Variants in CAMTA1 observed in about 807,000 individuals in gnomAD.
CAMTA1 encodes calmodulin binding transcription activator 1.
In CAMTA1, 27 loss-of-function variants were observed where a neutral mutation model predicts 170.9. The ratio of observed to expected loss-of-function variants is 0.16; its 90% CI spans 0.12 to 0.22. The LOEUF is 0.22. Among genes scored for constraint, CAMTA1 ranks in the 10% least tolerant of loss-of-function variants. The probability of loss-of-function intolerance (pLI) is 1.00; values close to 1 mark genes in which losing one functional copy is unlikely to be tolerated. For synonymous variants in CAMTA1, 833 were observed against 891.5 expected (o/e 0.93, Z 1.17); for missense variants, 1,619 against 2,217.2 (o/e 0.73, Z 5.42).
In CAMTA1 at chr1:7,638,547, C is replaced by T. The variant is rs957537307; in HGVS notation, c.511-1853C>T. On this transcript the variant is annotated intron_variant, in intron 6 of 22. Transcript: ENST00000303635. ...ATCCCAGCTACTCAGGAGGCTGAGGCGGGAGAATTGCTTGAACCTGGGAGG... is the reference window on the plus strand; with the variant it reads ...ATCCCAGCTACTCAGGAGGCTGAGGTGGGAGAATTGCTTGAACCTGGGAGG... Among the ~76,000 whole-genome samples the T allele has an allele frequency of 1.7e-4, 26 of 151,702 alleles. 1 individual carries two copies. The highest frequency in any genetic ancestry group is 7.4e-5 in the Non-Finnish European group (5 of 67,970).
intron 6 of CAMTA1, among the ~76,000 whole-genome samples, chr1:7,576,754 G>A (rs1188562210): frequency 1.3e-5 from 2 of 152,168 alleles, no homozygotes; most frequent in Non-Finnish European, 2.9e-5. Context: ...GCAGCTGAGG[G>A]GAGCAGTACT....
At chr1:7,323,088 T>C (rs1678699255) in intron 5 of CAMTA1, among the ~76,000 whole-genome samples, 1 of 151,262 alleles carries the variant, frequency 6.6e-6, no homozygotes, top group South Asian at 2.1e-4. Context: ...TTTATTTTGT[T>C]CTATTTCTTA....
At chr1:7,068,316 C>G (rs1440159286) in intron 3 of CAMTA1, among the ~76,000 whole-genome samples, 1 of 151,940 alleles carries the variant, frequency 6.6e-6, no homozygotes, top group Non-Finnish European at 1.5e-5. Flanking sequence ...ATTTCCTCTT[C>G]CACCGCCTCT....
chr1:7,224,795 G>A lies in CAMTA1; in HGVS notation c.303-24696G>A, dbSNP rs11120881. 0.054 allele frequency among the ~76,000 whole-genome samples: 8,240 copies of A among 151,706 alleles called. 645 individuals are homozygous for A. The highest frequency in any genetic ancestry group is 0.17 in the African/African-American group (6,966 of 40,990). On this transcript the variant is annotated intron_variant, in intron 4 of 22. Coordinates refer to ENST00000303635, the MANE Select transcript of CAMTA1 (RefSeq NM_015215.4). The surrounding 1 kb of genome is among the most constrained non-coding windows in gnomAD (Gnocchi z 5.2). ...GCCCCGCTCCCCAGGGCCCTGCTCC[G>A]TAGCTGCTCCATGTCGTCTGGATGG...
chr1:6,919,428 A>G (rs1204675006), intron 3 of CAMTA1, among the ~76,000 whole-genome samples: 1 of 152,204 alleles, frequency 6.6e-6, no homozygotes, highest in Non-Finnish European at 1.5e-5. Flanking sequence ...AGCTGGAGCT[A>G]GGTGTCTGAG....
chr1:7,632,173 T>TA (rs1362104050), intron 6 of CAMTA1, among the ~76,000 whole-genome samples: 1 of 152,214 alleles, frequency 6.6e-6, no homozygotes, highest in African/African-American at 2.4e-5. Context: ...TGATGAGGCT[T>TA]ATGGGACATT....
chr1:7,486,516 C>T (rs898810628), intron 6 of CAMTA1, among the ~76,000 whole-genome samples: 15 of 152,306 alleles, frequency 9.8e-5, no homozygotes, highest in African/African-American at 3.6e-4. Flanking sequence ...CCCTCTTGAG[C>T]CTCCCCTGGG....
At position 7,681,600 on chromosome 1, in the gene CAMTA1, C is replaced by T. The variant is rs1007756187; in HGVS notation, c.2914+3867C>T. On this transcript the variant is annotated intron_variant, in intron 11 of 22. Coordinates refer to ENST00000303635, the MANE Select transcript of CAMTA1 (RefSeq NM_015215.4). The surrounding 1 kb of genome is among the most constrained non-coding windows in gnomAD (Gnocchi z 4.6). ...CTTCATACAAAGATGCAAGGGGGAC[C>T]TCTTCCAGGCTAGAGGTAGGCAGGC... Among the ~76,000 whole-genome samples, 6 of 152,226 alleles carry T rather than the reference C, an allele frequency of 3.9e-5. No individual in the cohort carries two copies. Among genetic ancestry groups the T allele is most frequent in the Non-Finnish European group, 8.8e-5 (6 of 68,044 alleles).
intron 3 of CAMTA1, among the ~76,000 whole-genome samples, chr1:6,944,050 C>T (rs1254954318): frequency 1.3e-5 from 2 of 152,062 alleles, no homozygotes; most frequent in East Asian, 3.9e-4. Flanking sequence ...CAGCCGCTGG[C>T]ACCCCTGCAT....
intron 3 of CAMTA1, among the ~76,000 whole-genome samples, chr1:6,989,620 C>T (rs1695982962): frequency 1.3e-5 from 2 of 152,134 alleles, no homozygotes; most frequent in Non-Finnish European, 2.9e-5. Context: ...TAAACCTCTT[C>T]ATTTGGGTGG....
chr1:6,824,826 TG>T (rs754818611), intron 2 of CAMTA1, among the ~76,000 whole-genome samples: 1 of 152,168 alleles, frequency 6.6e-6, no homozygotes, highest in Non-Finnish European at 1.5e-5. Context: ...CTTTCGGTTA[TG>T]GGCAGCTGCG....
At chr1:7,724,830 A>AAAAG (rs2096673128) in intron 11 of CAMTA1, among the ~76,000 whole-genome samples, 1 of 152,016 alleles carries the variant, frequency 6.6e-6, no homozygotes, top group African/African-American at 2.4e-5. Flanking sequence ...AAAAAAAAAA[A>AAAAG]AAAAAAAGAT....
chr1:7,758,934 CAAAA>C (rs34490247), intron 22 of CAMTA1, among the ~76,000 whole-genome samples: 3 of 78,994 alleles, frequency 3.8e-5, no homozygotes, highest in Admixed American at 1.3e-4. Context: ...GACTCTGTCT[CAAAA>C]AAAAAAAAAA....
intron 4 of CAMTA1, among the ~76,000 whole-genome samples, chr1:7,139,158 A>T (rs1209960852): frequency 7.0e-6 from 1 of 142,278 alleles, no homozygotes; most frequent in African/African-American, 2.6e-5. Flanking sequence ...TATAAATATA[A>T]ATATATATAA....
chr1:6,884,867 T>G (rs1465921427), intron 3 of CAMTA1, among the ~76,000 whole-genome samples: 1 of 152,250 alleles, frequency 6.6e-6, no homozygotes, highest in East Asian at 1.9e-4. Flanking sequence ...TATCATTAAC[T>G]GTGTTGCTTT....
At chr1:7,654,379 C>CA (rs1389318193) in intron 7 of CAMTA1, among the ~76,000 whole-genome samples, 5 of 151,518 alleles carry the variant, frequency 3.3e-5, no homozygotes, top group Non-Finnish European at 7.4e-5. Flanking sequence ...GACCCTGTCT[C>CA]AAAAAATAAA....
chr1:7,327,142 C>T (rs1327267598), intron 5 of CAMTA1, among the ~76,000 whole-genome samples: 3 of 151,858 alleles, frequency 2.0e-5, no homozygotes, highest in Non-Finnish European at 2.9e-5. Flanking sequence ...GGAGGCCGGG[C>T]GCAGTGGCTC....
chr1:7,718,603 C>T (rs1389602101), intron 11 of CAMTA1, among the ~76,000 whole-genome samples: 1 of 145,126 alleles, frequency 6.9e-6, no homozygotes, highest in Non-Finnish European at 1.5e-5. Flanking sequence ...GTCACCCAGG[C>T]TGGAGTGCAG....
In CAMTA1 at chr1:7,680,233, C is replaced by T; in HGVS notation, c.2914+2500C>T. 1 of 263,688 alleles carries T rather than the reference C, an allele frequency of 3.8e-6. No individual in the cohort carries two copies. Among genetic ancestry groups the T allele is most frequent in the Non-Finnish European group, 8.3e-6 (1 of 121,176 alleles). The allele number at this position is 263,688 out of a possible 1,614,324, so 16.3% of individuals were successfully genotyped here. ...GGGCGGTGGTGAGCCTTCCGTTCCC[C>T]GCCTGTCCCTCCCGGCCCCTCCCCT... On this transcript the variant is annotated intron_variant, in intron 11 of 22. Transcript: ENST00000303635. The surrounding 1 kb of genome is among the most constrained non-coding windows in gnomAD (Gnocchi z 4.4).
Sources: allele counts gnomAD v4.1 joint callset (sites outside exome capture counted in the v4.1 genomes callset), GRCh38; gene constraint gnomAD v4.1.1; non-coding constraint Gnocchi (gnomAD v3.1); transcripts MANE v1.5; gene names NCBI Gene and HGNC (gene_info 2026-07-23, HGNC 2026-07-21).